Variants in MAPK8IP3 observed in about 807,000 individuals in gnomAD.
The protein encoded by MAPK8IP3 is C-Jun-amino-terminal kinase-interacting protein 3.
MAPK8IP3 carries 49 observed loss-of-function variants against 157.8 expected under a neutral mutation model. The ratio of observed to expected loss-of-function variants is 0.31; its 90% CI spans 0.25 to 0.39. The LOEUF is 0.39. MAPK8IP3 is among the 10% of genes least tolerant of loss of function. The pLI is 1.00. For synonymous variants in MAPK8IP3, 897 were observed against 777.7 expected (o/e 1.15, Z -2.55); for missense variants, 1,478 against 1,889.4 (o/e 0.78, Z 4.04).
At chr16:1,715,372 A>G (rs1342759690) in intron 1 of MAPK8IP3, among the ~76,000 whole-genome samples, 2 of 151,960 alleles carry the variant, frequency 1.3e-5, no homozygotes, top group African/African-American at 4.8e-5. Flanking sequence ...TGCATTTTAG[A>G]CCTAGGTGGC....
chr16:1,739,228 GTCCGTGAGAGTGTGACCA>G (rs2040413139), intron 4 of MAPK8IP3, among the ~76,000 whole-genome samples: 1 of 125,550 alleles, frequency 8.0e-6, no homozygotes. Context: ...GCGTGTGACC[GTCCGTGAGAGTGTGACCA>G]TCCATGTGAG....
At chr16:1,753,892 G>A (rs117959643) in intron 8 of MAPK8IP3, among the ~76,000 whole-genome samples, 1,835 of 152,064 alleles carry the variant, frequency 0.012, 20 homozygotes, top group Non-Finnish European at 0.021. Context: ...TACTAGGACC[G>A]GCCGGGCACA....
chr16:1,712,094 C>G (rs1333604172), intron 1 of MAPK8IP3, among the ~76,000 whole-genome samples: 4 of 118,180 alleles, frequency 3.4e-5, no homozygotes, highest in African/African-American at 1.0e-4. Context: ...TGGAGTCTCG[C>G]TCTGTCACCC....
chr16:1,728,843 A>C (rs2039089527), intron 2 of MAPK8IP3, among the ~76,000 whole-genome samples: 1 of 139,258 alleles, frequency 7.2e-6, no homozygotes, highest in Non-Finnish European at 1.5e-5. Context: ...GTGTTCTCCC[A>C]TGGCACAGCA....
chr16:1,763,071 C>T (rs1478136594), intron 16 of MAPK8IP3, 65 bp downstream of exon 16: 3 of 1,591,874 alleles, frequency 1.9e-6, no homozygotes, highest in East Asian at 2.2e-5. Context: ...TCCTGAGGCT[C>T]CTCCCCTCCA....
chr16:1,739,217 A>G (rs2040409970), intron 4 of MAPK8IP3, among the ~76,000 whole-genome samples: 1 of 93,044 alleles, frequency 1.1e-5, no homozygotes, highest in African/African-American at 4.3e-5. Context: ...CGTCCGTGTG[A>G]GCGTGTGACC....
At position 1,763,528 on chromosome 16, in the gene MAPK8IP3, G is replaced by A. The variant is rs1193155338; in HGVS notation, c.1899-129G>A. On this transcript the variant is annotated intron_variant, in intron 16 of 31. Transcript: ENST00000610761. ...AGCCACCCTTCCCAGCTGGGCACCC[G>A]GTGGCCGGGAAAAGGCGAGGATGGG... The A allele has an allele frequency of 4.6e-6, 6 of 1,290,490 alleles. No homozygotes were observed. In the Admixed American group the frequency reaches 1.8e-4, roughly 39 times the overall value. The allele number at this position is 1,290,490 out of a possible 1,614,324, so 79.9% of individuals were successfully genotyped here.
chr16:1,739,098 G>T (rs1293246348), intron 4 of MAPK8IP3, among the ~76,000 whole-genome samples: 1 of 139,568 alleles, frequency 7.2e-6, no homozygotes, highest in Non-Finnish European at 1.5e-5. Flanking sequence ...GTGAGCATCT[G>T]TGTGACCGTC....
chr16:1,740,070 GCGTGAGCATCCGTGTGACCGTC>G (rs369293562), intron 4 of MAPK8IP3, among the ~76,000 whole-genome samples: 6 of 106,258 alleles, frequency 5.6e-5, no homozygotes, highest in African/African-American at 1.9e-4. Context: ...GTCCGTGTGA[GCGTGAGCATCCGTGTGACCGTC>G]CGTGTGAGCA....
rs2040769785 is a variant in MAPK8IP3, at chr16:1,743,058, G to A, written c.603-274G>A. 6.6e-6 allele frequency among the ~76,000 whole-genome samples: 1 copy of A among 152,056 alleles called. No homozygotes were observed. The highest frequency in any genetic ancestry group is 2.4e-5 in the African/African-American group (1 of 41,382). ...TGCAGTGAGCCAAGTTCGTGCCACT[G>A]CACTCCAGCCTGGGTGACAGAGCGA... On this transcript the variant is annotated intron_variant, in intron 4 of 31. Transcript: ENST00000610761. This position sits in a 1 kb window ranked among gnomAD's most constrained non-coding sequence, Gnocchi z 5.6.
intron 5 of MAPK8IP3, chr16:1,744,731 C>A (rs969223407): frequency 5.1e-6 from 5 of 985,526 alleles, no homozygotes; most frequent in Non-Finnish European, 6.0e-6. Flanking sequence ...GCTCTGGGCC[C>A]GCTCTTCTTC....
chr16:1,756,358 T>C (rs534495786), intron 8 of MAPK8IP3, among the ~76,000 whole-genome samples: 1 of 151,306 alleles, frequency 6.6e-6, no homozygotes, highest in Admixed American at 6.6e-5. Flanking sequence ...ACCAAATACT[T>C]AGCTGGGCAT....
rs548746574 is a variant in MAPK8IP3, at chr16:1,747,341, G to A, written c.994+66G>A. 8.3e-6 allele frequency: 13 copies of A among 1,574,380 alleles called. No individual in the cohort carries two copies. The East Asian group carries it at 2.5e-4, about 30-fold the overall frequency. On this transcript the variant is annotated intron_variant, in intron 6 of 31. Coordinates refer to ENST00000610761, the MANE Select transcript of MAPK8IP3 (RefSeq NM_001318852.2). Reference sequence around the variant, plus strand: ...GAGGCAGGGCTTGGTTTGGGTAGATGTGAAACTAATGCACCAGGCGGGCAG... The same window carrying A: ...GAGGCAGGGCTTGGTTTGGGTAGATATGAAACTAATGCACCAGGCGGGCAG...
In MAPK8IP3 at chr16:1,768,909, G is replaced by A. The variant is rs565460880; in HGVS notation, c.*85G>A. On this transcript the variant is annotated 3_prime_UTR_variant, in exon 32 of 32. Transcript: ENST00000610761. ...CGGCCCGCGGGGTAGCCAGCCAGGC[G>A]CCGCCGCCCCTCTTCTAACCTCTCA... The A allele has an allele frequency of 5.5e-5, 83 of 1,500,278 alleles. 1 individual carries two copies. The highest frequency in any genetic ancestry group is 5.0e-4 in the South Asian group (41 of 82,772). The allele number at this position is 1,500,278 out of a possible 1,614,324, so 92.9% of individuals were successfully genotyped here.
intron 4 of MAPK8IP3, among the ~76,000 whole-genome samples, chr16:1,736,485 CGT>C (rs1555448464): frequency 7.8e-5 from 2 of 25,662 alleles, no homozygotes; most frequent in Non-Finnish European, 6.0e-5. Context: ...TCCGTGTGAC[CGT>C]GAGCGTCCGT....
chr16:1,731,696 A>G (rs930308664), intron 4 of MAPK8IP3, among the ~76,000 whole-genome samples: 3 of 152,236 alleles, frequency 2.0e-5, no homozygotes, highest in African/African-American at 7.2e-5. Context: ...GCCACCCTAT[A>G]TTTCCAACCT....
intron 4 of MAPK8IP3, among the ~76,000 whole-genome samples, chr16:1,736,015 AGT>A (rs1440181404): frequency 7.5e-5 from 7 of 93,568 alleles, no homozygotes; most frequent in African/African-American, 1.3e-4. Context: ...TCCATGTGAG[AGT>A]GTGACCGTCC....
chr16:1,733,715 T>G (rs1460919333), intron 4 of MAPK8IP3, among the ~76,000 whole-genome samples: 1 of 152,204 alleles, frequency 6.6e-6, no homozygotes, highest in African/African-American at 2.4e-5. Flanking sequence ...GCCCCACTGC[T>G]GGGGTCCCCT....
chr16:1,762,019 G>A (rs952350511), intron 13 of MAPK8IP3, among the ~76,000 whole-genome samples: 2 of 152,174 alleles, frequency 1.3e-5, no homozygotes, highest in African/African-American at 4.8e-5. Flanking sequence ...GTTCTGGGCT[G>A]ACAGCTCTCC....
Sources: allele counts gnomAD v4.1 joint callset (sites outside exome capture counted in the v4.1 genomes callset), GRCh38; gene constraint gnomAD v4.1.1; non-coding constraint Gnocchi (gnomAD v3.1); transcripts MANE v1.5; gene names NCBI Gene and HGNC (gene_info 2026-07-23, HGNC 2026-07-21).